COMMD1: variants seen among roughly 807,000 people sequenced by gnomAD.
COMMD1 encodes the protein copper metabolism domain containing 1.
Under a neutral mutation model 17.2 loss-of-function variants are expected in COMMD1, and 10 were observed. The observed-to-expected ratio is 0.58, with a 90% confidence interval of 0.36 to 0.99. COMMD1 has a LOEUF of 0.99. Ranked by LOEUF, COMMD1 falls within the 50% of genes least tolerant of loss-of-function variation. The probability of loss-of-function intolerance (pLI) is 0.01; values close to 1 mark genes in which losing one functional copy is unlikely to be tolerated. For missense variants in COMMD1, 270 were observed against 231.8 expected, an observed-to-expected ratio of 1.17 and a Z score of -1.07; for synonymous variants, 97 against 91.6, an observed-to-expected ratio of 1.06 and a Z score of -0.34.
chr2:61,966,683 G>A (rs1475526777), intron 1 of COMMD1, among the ~76,000 whole-genome samples: 1 of 151,808 alleles, frequency 6.6e-6, no homozygotes, highest in Admixed American at 6.6e-5. Context: ...GAGAAATGAA[G>A]TTGCCTATCT....
chr2:62,075,675 C>T (rs953480482), intron 2 of COMMD1, among the ~76,000 whole-genome samples: 1 of 152,164 alleles, frequency 6.6e-6, no homozygotes, highest in Non-Finnish European at 1.5e-5. Flanking sequence ...TTCATAGTTC[C>T]GCTACCCTGG....
chr2:62,060,538 A>T (rs1307607838), intron 2 of COMMD1, among the ~76,000 whole-genome samples: 2 of 152,140 alleles, frequency 1.3e-5, no homozygotes, highest in Admixed American at 6.5e-5. Flanking sequence ...ACTTAGTCTT[A>T]TATATTTAAC....
chr2:61,891,918 G>A (rs1231840925), intron 1 of COMMD1, among the ~76,000 whole-genome samples: 3 of 151,290 alleles, frequency 2.0e-5, no homozygotes, highest in African/African-American at 7.3e-5. Context: ...TGCAAGCTCC[G>A]CCTCCCGGGT....
intron 1 of COMMD1, among the ~76,000 whole-genome samples, chr2:61,889,684 G>A (rs925079546): frequency 2.6e-5 from 4 of 152,134 alleles, no homozygotes; most frequent in African/African-American, 9.7e-5. Flanking sequence ...GGAATGAGGC[G>A]AGGTTAGTTA....
intron 2 of COMMD1, among the ~76,000 whole-genome samples, chr2:62,065,643 T>G (rs1671017902): frequency 6.6e-6 from 1 of 152,168 alleles, no homozygotes. Flanking sequence ...ACTTTAAAGG[T>G]AACTGGAAAT....
At chr2:62,072,695 T>C (rs1671230006) in intron 2 of COMMD1, among the ~76,000 whole-genome samples, 1 of 152,190 alleles carries the variant, frequency 6.6e-6, no homozygotes, top group Non-Finnish European at 1.5e-5. Flanking sequence ...CCCTTGGGGC[T>C]CCATGTTTGC....
chr2:61,903,204 G>A (rs1221828700), upstream of COMMD1, among the ~76,000 whole-genome samples: 1 of 152,140 alleles, frequency 6.6e-6, no homozygotes. Context: ...AGCACTTTGG[G>A]AGGCTGAGGT....
intron 2 of COMMD1, among the ~76,000 whole-genome samples, chr2:62,007,284 C>T (rs556879931): frequency 3.4e-4 from 52 of 152,120 alleles, no homozygotes; most frequent in African/African-American, 1.2e-3. Context: ...CATATGCTCA[C>T]TCCTGTCATT....
intron 2 of COMMD1, among the ~76,000 whole-genome samples, chr2:62,061,554 C>CTTTT (rs57638195): frequency 5.3e-5 from 7 of 131,536 alleles, no homozygotes; most frequent in Non-Finnish European, 1.2e-4. Flanking sequence ...TCTTTCTTTT[C>CTTTT]TTTTTTTTTT....
At chr2:62,040,348 T>C (rs1283863212) in intron 2 of COMMD1, among the ~76,000 whole-genome samples, 1 of 152,198 alleles carries the variant, frequency 6.6e-6, no homozygotes, top group Non-Finnish European at 1.5e-5. Context: ...TACAAGTTAG[T>C]AGCAGGGCCA....
At chr2:61,889,555 G>C (rs1324881517) in intron 1 of COMMD1, among the ~76,000 whole-genome samples, 2 of 152,054 alleles carry the variant, frequency 1.3e-5, no homozygotes, top group Admixed American at 6.6e-5. Context: ...CCGCGAGGTG[G>C]GGTGGGCGCC....
chr2:62,057,735 A>G (rs1439767970), intron 2 of COMMD1, among the ~76,000 whole-genome samples: 1 of 150,716 alleles, frequency 6.6e-6, no homozygotes, highest in East Asian at 1.9e-4. Flanking sequence ...ATACCTGGCT[A>G]ATTTTTTTTT....
intron 1 of COMMD1, among the ~76,000 whole-genome samples, chr2:61,951,100 T>G (rs1671040880): frequency 6.6e-6 from 1 of 152,114 alleles, no homozygotes; most frequent in African/African-American, 2.4e-5. Flanking sequence ...TCCAGGAAAC[T>G]CCCACGGAGA....
At chr2:61,924,613 G>A (rs1460986328) in intron 1 of COMMD1, among the ~76,000 whole-genome samples, 2 of 152,096 alleles carry the variant, frequency 1.3e-5, no homozygotes, top group African/African-American at 2.4e-5. Flanking sequence ...AGAGGGAAGG[G>A]CAGTTACAGT....
intron 1 of COMMD1, among the ~76,000 whole-genome samples, chr2:61,963,853 A>G (rs146989320): frequency 2.9e-3 from 434 of 152,262 alleles, no homozygotes; most frequent in African/African-American, 9.7e-3. Context: ...CACTTTACCT[A>G]CCAGTTTTCA....
At position 62,063,868 on chromosome 2, in the gene COMMD1, A is replaced by AATATATATATATATATATATATATAT. The variant is rs55740628; in HGVS notation, c.462+62891_462+62916dup. Among the ~76,000 whole-genome samples the AATATATATATATATATATATATATAT allele has an allele frequency of 8.0e-3, 650 of 80,952 alleles. 21 individuals carry two copies. The highest frequency in any genetic ancestry group is 0.013 in the Middle Eastern group (2 of 156). The allele number at this position is 80,952 out of a possible 152,430, so 53.1% of individuals were successfully genotyped here. On this transcript the variant is annotated intron_variant, in intron 2 of 2. Transcript: ENST00000311832. Reference sequence around the variant, plus strand: ...CAACATAGTGACACTGTCTCTACAAAATATATATATATATATATATATATA... The same window carrying AATATATATATATATATATATATATAT: ...CAACATAGTGACACTGTCTCTACAAAATATATATATATATATATATATATATATATATATATATATATATATATATA...
intron 1 of COMMD1, among the ~76,000 whole-genome samples, chr2:61,908,052 C>G (rs1558517482): frequency 6.6e-6 from 1 of 152,012 alleles, no homozygotes. Flanking sequence ...TCAAGTGGCT[C>G]TGTGTTGTGG....
At chr2:61,965,885 T>C (rs991247956) in intron 1 of COMMD1, among the ~76,000 whole-genome samples, 14 of 152,234 alleles carry the variant, frequency 9.2e-5, no homozygotes, top group Admixed American at 5.9e-4. Flanking sequence ...ATTACTGATA[T>C]TGAAGTATCA....
rs555416064 is a variant in COMMD1 at position 62,131,385 on chromosome 2, C to A, written c.463-4446C>A. Among the ~76,000 whole-genome samples the A allele has an allele frequency of 4.6e-5, 7 of 152,300 alleles. No homozygotes were observed. The East Asian group carries it at 1.2e-3, about 25-fold the overall frequency. ...AATACAGGAATTTTAGTCTTGTCAT[C>A]TCTTATTTTTATCACCAGTTAAGCC... On this transcript the variant is annotated intron_variant, in intron 2 of 2. Coordinates refer to ENST00000311832, the MANE Select transcript of COMMD1 (RefSeq NM_152516.4).
Sources: allele counts gnomAD v4.1 joint callset (sites outside exome capture counted in the v4.1 genomes callset), GRCh38; gene constraint gnomAD v4.1.1; transcripts MANE v1.5; gene names NCBI Gene and HGNC (gene_info 2026-07-23, HGNC 2026-07-21).